The following CREB5 variants were observed in gnomAD, a reference collection of about 807,000 sequenced individuals.
The protein encoded by CREB5 is cAMP responsive element binding protein 5, also known as cyclic AMP-responsive element-binding protein 5.
A neutral mutation model predicts 57.1 loss-of-function variants in CREB5; 19 were observed. That is an observed-to-expected ratio of 0.33 (90% CI 0.23 to 0.49). CREB5 has a LOEUF of 0.49. Ranked by LOEUF, CREB5 falls within the 20% of genes least tolerant of loss-of-function variation. CREB5 has a pLI of 0.99. For missense variants in CREB5, 579 were observed against 671.6 expected, an observed-to-expected ratio of 0.86 and a Z score of 1.52; for synonymous variants, 238 against 238.3, an observed-to-expected ratio of 1.00 and a Z score of 0.01.
intron 5 of CREB5, among the ~76,000 whole-genome samples, chr7:28,661,141 C>T (rs991025381): frequency 3.3e-5 from 5 of 152,090 alleles, no homozygotes; most frequent in African/African-American, 9.7e-5. Flanking sequence ...ATCTTGTTGT[C>T]TCTTGCTTCT....
intron 1 of CREB5, among the ~76,000 whole-genome samples, chr7:28,362,752 G>A (rs1786511880): frequency 6.6e-6 from 1 of 152,122 alleles, no homozygotes; most frequent in Non-Finnish European, 1.5e-5. Context: ...TTGGGTAGAG[G>A]TACACACACA....
chr7:28,776,658 T>C (rs1333465387), intron 7 of CREB5, among the ~76,000 whole-genome samples: 1 of 152,214 alleles, frequency 6.6e-6, no homozygotes, highest in African/African-American at 2.4e-5. Flanking sequence ...AATATTTTCA[T>C]TACCCTTCAG....
rs1785099147 is a variant in CREB5 at position 28,301,603 on chromosome 7, T to A, written c.-25+2162T>A. Reference sequence around the variant, plus strand: ...GATCTGCATTTTAATAAGATCCTTATTGTCTAAAGGGACTCTATATTCTAG... The same window carrying A: ...GATCTGCATTTTAATAAGATCCTTAATGTCTAAAGGGACTCTATATTCTAG... On this transcript the variant is annotated intron_variant, in intron 1 of 9. Coordinates refer to the CREB5 transcript ENST00000396299. 2.6e-5 allele frequency among the ~76,000 whole-genome samples: 4 copies of A among 152,332 alleles called. 1 individual carries two copies. The highest frequency in any genetic ancestry group is 2.6e-4 in the Admixed American group (4 of 15,308).
intron 1 of CREB5, among the ~76,000 whole-genome samples, chr7:28,316,155 T>C (rs1434106011): frequency 1.3e-5 from 2 of 152,162 alleles, no homozygotes; most frequent in African/African-American, 4.8e-5. Flanking sequence ...TTGCATGTGC[T>C]TGAGAGGACT....
At chr7:28,520,086 A>G (rs1793141744) in intron 4 of CREB5, among the ~76,000 whole-genome samples, 1 of 152,206 alleles carries the variant, frequency 6.6e-6, no homozygotes, top group Admixed American at 6.5e-5. Context: ...CTGATCCACT[A>G]AAATACTTTG....
At chr7:28,818,007 C>T in intron 9 of CREB5, 64 bp from the exon 10 acceptor site, 2 of 1,244,906 alleles carry the variant, frequency 1.6e-6, no homozygotes. Flanking sequence ...GTTGAAAGTG[C>T]ACAGGGCTGT....
At chr7:28,638,202 G>T (rs1054208378) in intron 5 of CREB5, among the ~76,000 whole-genome samples, 1 of 151,162 alleles carries the variant, frequency 6.6e-6, no homozygotes, top group Non-Finnish European at 1.5e-5. Context: ...TCACTGCAGT[G>T]TTGGTTAAGA....
intron 7 of CREB5, among the ~76,000 whole-genome samples, chr7:28,803,705 G>C (rs150408370): frequency 6.9e-6 from 1 of 145,040 alleles, no homozygotes; most frequent in Non-Finnish European, 1.5e-5. Context: ...GCAGTGAGCC[G>C]AGATCGCACC....
intron 1 of CREB5, among the ~76,000 whole-genome samples, chr7:28,383,306 T>A (rs943659977): frequency 2.0e-5 from 3 of 152,050 alleles, no homozygotes; most frequent in Non-Finnish European, 2.9e-5. Flanking sequence ...AGCAGCTAGA[T>A]CAGAAAAGTG....
intron 5 of CREB5, among the ~76,000 whole-genome samples, chr7:28,680,719 A>G (rs1032471907): frequency 6.6e-6 from 1 of 151,014 alleles, no homozygotes; most frequent in Admixed American, 6.6e-5. Context: ...AAATCATGCC[A>G]CTGCACTCCA....
chr7:28,537,122 G>A (rs953677246), intron 4 of CREB5, among the ~76,000 whole-genome samples: 5 of 152,194 alleles, frequency 3.3e-5, no homozygotes, highest in Admixed American at 6.5e-5. Context: ...ATTTAGAGAG[G>A]TTGAATTGTG....
At chr7:28,521,509 T>C (rs1793207399) in intron 4 of CREB5, among the ~76,000 whole-genome samples, 1 of 152,220 alleles carries the variant, frequency 6.6e-6, no homozygotes, top group Non-Finnish European at 1.5e-5. Flanking sequence ...TGCAGATCTT[T>C]TCTATTATTT....
chr7:28,564,423 T>A (rs1027917613), intron 4 of CREB5, among the ~76,000 whole-genome samples: 2 of 152,224 alleles, frequency 1.3e-5, no homozygotes, highest in African/African-American at 4.8e-5. Flanking sequence ...TAGTTATTTT[T>A]AAAAACACGG....
At chr7:28,509,906 G>T (rs1233031213) in intron 4 of CREB5, among the ~76,000 whole-genome samples, 3 of 152,196 alleles carry the variant, frequency 2.0e-5, no homozygotes, top group African/African-American at 7.2e-5. Context: ...CGCATGGGAA[G>T]CTGGACAATA....
At position 28,756,543 on chromosome 7, in the gene CREB5, G is replaced by T. The variant is rs12700903; in HGVS notation, c.702+32211G>T. Among the ~76,000 whole-genome samples the T allele has an allele frequency of 3.3e-4, 49 of 150,528 alleles. 1 individual carries two copies. The highest frequency in any genetic ancestry group is 5.9e-4 in the Non-Finnish European group (40 of 67,684). ...TGCACTCTAGCCTGGGCAACAAGAG[G>T]GGAATTCCATCTCCAAAAAAAAAAA... On this transcript the variant is annotated intron_variant, in intron 7 of 10. Coordinates refer to ENST00000357727, the MANE Select transcript of CREB5 (RefSeq NM_182898.4).
intron 5 of CREB5, among the ~76,000 whole-genome samples, chr7:28,658,953 G>GTGTGTATATATATATATATATA (rs1400561698): frequency 2.0e-5 from 2 of 99,582 alleles, no homozygotes; most frequent in African/African-American, 6.6e-5. Flanking sequence ...GTGTGTGTGT[G>GTGTGTATATATATATATATATA]TATATATATA....
chr7:28,509,269 T>A (rs1355056095), intron 4 of CREB5, among the ~76,000 whole-genome samples: 1 of 152,234 alleles, frequency 6.6e-6, no homozygotes, highest in African/African-American at 2.4e-5. Context: ...CCAAGAACAG[T>A]TTCGTGAAGC....
At chr7:28,307,464 A>T (rs1238680860) in intron 1 of CREB5, among the ~76,000 whole-genome samples, 1 of 152,234 alleles carries the variant, frequency 6.6e-6, no homozygotes, top group African/African-American at 2.4e-5. Flanking sequence ...CCAGGTACTG[A>T]ACTTGCTAAT....
intron 7 of CREB5, among the ~76,000 whole-genome samples, chr7:28,786,630 T>C (rs1807345683): frequency 1.3e-5 from 2 of 152,220 alleles, no homozygotes; most frequent in Non-Finnish European, 2.9e-5. Flanking sequence ...AGGGTGGGGA[T>C]GGGAGGCAAG....
Sources: allele counts gnomAD v4.1 joint callset (sites outside exome capture counted in the v4.1 genomes callset), GRCh38; gene constraint gnomAD v4.1.1; transcripts MANE v1.5; gene names NCBI Gene and HGNC (gene_info 2026-07-23, HGNC 2026-07-21).